The following MED13L variants were observed in gnomAD, a reference collection of about 807,000 sequenced individuals.
The protein encoded by MED13L is mediator complex subunit 13L, also known as mediator of RNA polymerase II transcription subunit 13-like.
MED13L carries 7 observed loss-of-function variants against 220.9 expected under a neutral mutation model. The ratio of observed to expected loss-of-function variants is 0.03; its 90% confidence interval spans 0.02 to 0.06. MED13L has a LOEUF of 0.06. MED13L is among the 10% of genes least tolerant of loss of function. The pLI is 1.00. For missense variants in MED13L, 1,965 were observed against 2,760.5 expected (o/e 0.71, Z 6.46); for synonymous variants, 1,011 against 1,015.2 (o/e 1.00, Z 0.08).
chr12:116,059,248 T>G (rs572878122), intron 4 of MED13L, among the ~76,000 whole-genome samples: 13 of 152,060 alleles, frequency 8.5e-5, no homozygotes, highest in African/African-American at 3.1e-4. Context: ...TTTGTAGAGA[T>G]GGGGTCTCAT....
intron 2 of MED13L, among the ~76,000 whole-genome samples, chr12:116,174,255 C>G (rs888844807): frequency 6.6e-6 from 1 of 151,962 alleles, no homozygotes; most frequent in Non-Finnish European, 1.5e-5. Context: ...AATTAGAAGC[C>G]GTCACATAAG....
intron 2 of MED13L, among the ~76,000 whole-genome samples, chr12:116,132,631 A>G (rs1310453996): frequency 6.6e-6 from 1 of 151,906 alleles, no homozygotes; most frequent in Non-Finnish European, 1.5e-5. Context: ...AAAGAAAGGG[A>G]AGAAACAGGT....
At chr12:116,108,493 G>A (rs928252883) in intron 3 of MED13L, among the ~76,000 whole-genome samples, 1 of 151,496 alleles carries the variant, frequency 6.6e-6, no homozygotes, top group Non-Finnish European at 1.5e-5. Flanking sequence ...AACTTCTGTT[G>A]ACAATGAATA....
At chr12:116,044,780 C>G (rs947460664) in intron 4 of MED13L, among the ~76,000 whole-genome samples, 10 of 152,156 alleles carry the variant, frequency 6.6e-5, no homozygotes, top group African/African-American at 2.4e-4. Context: ...CAGAATAGAA[C>G]AGAACACCAC....
At chr12:115,971,324 A>G (rs1876567395) in intron 26 of MED13L, among the ~76,000 whole-genome samples, 1 of 152,192 alleles carries the variant, frequency 6.6e-6, no homozygotes, top group African/African-American at 2.4e-5. Context: ...TAGCGGCAAC[A>G]GAGGTAACCT....
At chr12:116,046,572 C>T (rs1486729156) in intron 4 of MED13L, among the ~76,000 whole-genome samples, 1 of 152,154 alleles carries the variant, frequency 6.6e-6, no homozygotes. Flanking sequence ...ATATTTGCTT[C>T]AATTTGTAAG....
intron 9 of MED13L, among the ~76,000 whole-genome samples, chr12:116,011,297 A>G (rs1399684063): frequency 2.0e-5 from 3 of 152,248 alleles, no homozygotes; most frequent in Admixed American, 6.5e-5. Context: ...TGGTTATAAA[A>G]AAAAGACCTG....
intron 26 of MED13L, among the ~76,000 whole-genome samples, chr12:115,971,657 G>A (rs977599656): frequency 3.3e-5 from 5 of 152,128 alleles, no homozygotes; most frequent in South Asian, 4.2e-4. Context: ...ATCTTCAACC[G>A]TATCAGAGAG....
Position 116,019,937 on chromosome 12 carries a change from T to G in MED13L, c.661A>C (p.Thr221Pro). The change falls in exon 6 of 31, where the codon ACA (threonine) becomes CCA (proline). Residue 221 changes from threonine (T) to proline (P), a missense_variant. By Grantham distance (38) the Thr-to-Pro change is conservative. This residue lies in a region of MED13L where 818 missense variants were observed against 1,041.2 expected (regional missense o/e 0.79). Transcript: ENST00000281928. ...TCTGACATCTTGTATGCTTGGCCTG[T>G]TAGCGTCCCATTTAAGCCATAAGGA... ...VSPYGLNGTLTGQAYKMSDPA... is the reference protein window; with the variant it reads ...VSPYGLNGTLPGQAYKMSDPA... 2 of 1,613,810 alleles carry G rather than the reference T, an allele frequency of 1.2e-6. No homozygotes were observed. Among genetic ancestry groups the G allele is most frequent in the Middle Eastern group, 1.7e-4 (1 of 6,056 alleles).
intron 2 of MED13L, among the ~76,000 whole-genome samples, chr12:116,225,469 G>A (rs775704464): frequency 1.6e-4 from 24 of 152,150 alleles, no homozygotes; most frequent in Admixed American, 3.9e-4. Flanking sequence ...AGGAGTTATT[G>A]TCAACAAACG....
At chr12:116,007,192 C>A (rs1879100923) in intron 11 of MED13L, 1 of 592,670 alleles carries the variant, frequency 1.7e-6, no homozygotes, top group East Asian at 2.9e-5. Context: ...AAATATGAGG[C>A]TTCATTTATG....
At chr12:116,020,009 A>G (rs1410122570) in intron 5 of MED13L, 37 bp from the exon 6 acceptor site, 1 of 1,571,332 alleles carries the variant, frequency 6.4e-7, no homozygotes, top group East Asian at 2.2e-5. Flanking sequence ...TAAACATTAG[A>G]GAAATAATTC....
chr12:116,180,900 A>C (rs547785708), intron 2 of MED13L, among the ~76,000 whole-genome samples: 6 of 151,380 alleles, frequency 4.0e-5, no homozygotes, highest in African/African-American at 1.2e-4. Context: ...GAAATTTCTG[A>C]GGAACTTGAA....
At position 116,179,204 on chromosome 12, in the gene MED13L, CGTGTGTGTGT is replaced by C. The variant is rs60501771; in HGVS notation, c.310+58254_310+58263del. Among the ~76,000 whole-genome samples, 215 of 148,190 alleles carry C rather than the reference CGTGTGTGTGT, an allele frequency of 1.5e-3. 2 individuals carry two copies. The East Asian group carries it at 0.035, about 24-fold the overall frequency. ...AAATAATTTAAAATTTGACGATTTA[CGTGTGTGTGT>C]GTGTGTGTGTGTGTGTGTGTGTACA... is the stretch of plus-strand genomic sequence containing the variant. On this transcript the variant is annotated intron_variant, in intron 2 of 30. Coordinates refer to ENST00000281928, the MANE Select transcript of MED13L (RefSeq NM_015335.5).
chr12:116,229,114 A>G (rs1869296512), intron 2 of MED13L, among the ~76,000 whole-genome samples: 1 of 152,210 alleles, frequency 6.6e-6, no homozygotes. Flanking sequence ...TTTCTATGAA[A>G]GTACAAGCTT....
chr12:116,275,443 C>A (rs1325833124), intron 1 of MED13L, among the ~76,000 whole-genome samples: 1 of 152,090 alleles, frequency 6.6e-6, no homozygotes, highest in Admixed American at 6.6e-5. Flanking sequence ...AGAGTGGGAG[C>A]AATGATACTA....
intron 4 of MED13L, among the ~76,000 whole-genome samples, chr12:116,083,649 T>G (rs984199096): frequency 3.3e-5 from 5 of 152,146 alleles, no homozygotes; most frequent in African/African-American, 1.2e-4. Flanking sequence ...CTCGTAATAA[T>G]GCATATGTTC....
At chr12:116,190,323 T>C (rs1218789182) in intron 2 of MED13L, among the ~76,000 whole-genome samples, 1 of 152,232 alleles carries the variant, frequency 6.6e-6, no homozygotes, top group African/African-American at 2.4e-5. Context: ...TTGTGTTTGA[T>C]GGATTGTTAT....
intron 4 of MED13L, among the ~76,000 whole-genome samples, chr12:116,030,752 A>G (rs1312753501): frequency 6.6e-6 from 1 of 152,194 alleles, no homozygotes; most frequent in Non-Finnish European, 1.5e-5. Context: ...CACTTTTAAC[A>G]ATAAGAACAC....
Sources: allele counts gnomAD v4.1 joint callset (sites outside exome capture counted in the v4.1 genomes callset), GRCh38; gene constraint gnomAD v4.1.1; regional missense constraint gnomAD v4.1.1; transcripts MANE v1.5; gene names NCBI Gene and HGNC (gene_info 2026-07-23, HGNC 2026-07-21).